Variants in EPHA6 observed in about 807,000 individuals in gnomAD.
EPHA6 encodes the protein EPH receptor A6.
In EPHA6, 50 loss-of-function variants were observed where a neutral mutation model predicts 112.0. The observed-to-expected ratio is 0.45, with a 90% CI of 0.36 to 0.56. EPHA6 has a LOEUF of 0.56. Among genes scored for constraint, EPHA6 ranks in the 20% least tolerant of loss-of-function variants. The probability of loss-of-function intolerance (pLI) is 0.00; values close to 1 mark genes in which losing one functional copy is unlikely to be tolerated. For missense variants in EPHA6, 1,280 were observed against 1,417.4 expected (o/e 0.90, Z 1.56); for synonymous variants, 529 against 490.7 (o/e 1.08, Z -1.03).
chr3:96,824,363 T>C (rs1447079338), intron 1 of EPHA6, among the ~76,000 whole-genome samples: 1 of 151,912 alleles, frequency 6.6e-6, no homozygotes, highest in Non-Finnish European at 1.5e-5. Flanking sequence ...ATTTCTCAAA[T>C]ATTTTGTCAT....
intron 3 of EPHA6, among the ~76,000 whole-genome samples, chr3:97,059,421 A>G (rs1403401141): frequency 6.6e-6 from 1 of 152,158 alleles, no homozygotes; most frequent in Non-Finnish European, 1.5e-5. Flanking sequence ...AGTGTAACAC[A>G]CATTGAAATT....
chr3:97,570,333 G>C (rs559568131), intron 11 of EPHA6, among the ~76,000 whole-genome samples: 17 of 152,316 alleles, frequency 1.1e-4, no homozygotes, highest in African/African-American at 3.6e-4. Context: ...AGTGGTGTCA[G>C]CAAGTCTAAG....
intron 5 of EPHA6, among the ~76,000 whole-genome samples, chr3:97,388,026 T>C (rs2086171792): frequency 6.6e-6 from 1 of 152,096 alleles, no homozygotes; most frequent in South Asian, 2.1e-4. Context: ...TCATGCACAA[T>C]CACGAGAACA....
At chr3:97,520,186 C>T (rs2092517436) in intron 10 of EPHA6, among the ~76,000 whole-genome samples, 1 of 152,060 alleles carries the variant, frequency 6.6e-6, no homozygotes, top group Non-Finnish European at 1.5e-5. Flanking sequence ...CCAGGATGGT[C>T]TCGATCTCCT....
intron 3 of EPHA6, among the ~76,000 whole-genome samples, chr3:97,063,922 A>G (rs1224117940): frequency 6.6e-6 from 1 of 152,168 alleles, no homozygotes; most frequent in Admixed American, 6.5e-5. Flanking sequence ...AGGGCAATAA[A>G]TTGATAACTG....
intron 10 of EPHA6, among the ~76,000 whole-genome samples, chr3:97,509,816 G>T (rs2092331225): frequency 6.6e-6 from 1 of 152,012 alleles, no homozygotes; most frequent in African/African-American, 2.4e-5. Context: ...ATCACTTTCA[G>T]GTACACAAAT....
intron 14 of EPHA6, among the ~76,000 whole-genome samples, chr3:97,646,491 T>C (rs1383743032): frequency 6.6e-6 from 1 of 152,204 alleles, no homozygotes; most frequent in Non-Finnish European, 1.5e-5. Flanking sequence ...AGGTCTGACA[T>C]ATTCATTCAC....
chr3:97,747,237 A>G (rs974343698), intron 16 of EPHA6, among the ~76,000 whole-genome samples, 186 bp from the exon 17 acceptor site: 1 of 152,074 alleles, frequency 6.6e-6, no homozygotes. Flanking sequence ...CAGATAAGTC[A>G]CTGATTTGAT....
chr3:96,881,674 C>T (rs2037322868), intron 2 of EPHA6, among the ~76,000 whole-genome samples: 1 of 152,220 alleles, frequency 6.6e-6, no homozygotes, highest in African/African-American at 2.4e-5. Flanking sequence ...AGTCTTAACT[C>T]ATTTCAGCAT....
chr3:97,497,505 C>T (rs983277568), intron 10 of EPHA6, among the ~76,000 whole-genome samples: 1 of 152,042 alleles, frequency 6.6e-6, no homozygotes, highest in Non-Finnish European at 1.5e-5. Flanking sequence ...GCCTTTATTC[C>T]ACAGTAATTA....
chr3:97,564,273 T>C (rs2093231087), intron 11 of EPHA6, among the ~76,000 whole-genome samples: 1 of 152,118 alleles, frequency 6.6e-6, no homozygotes, highest in Non-Finnish European at 1.5e-5. Context: ...CAAAAAAAGT[T>C]TACCTTTAAG....
intron 11 of EPHA6, among the ~76,000 whole-genome samples, chr3:97,588,209 C>A (rs1466665428): frequency 1.3e-5 from 2 of 150,204 alleles, no homozygotes; most frequent in East Asian, 1.9e-4. Context: ...GTTGGTATAC[C>A]CCCCTGCCCA....
At chr3:97,207,579 G>A (rs2077747847) in intron 3 of EPHA6, among the ~76,000 whole-genome samples, 1 of 152,258 alleles carries the variant, frequency 6.6e-6, no homozygotes, top group African/African-American at 2.4e-5. Context: ...ATATGCATAT[G>A]TATAAAATTG....
At chr3:97,084,841 C>G (rs536738893) in intron 3 of EPHA6, among the ~76,000 whole-genome samples, 6 of 151,978 alleles carry the variant, frequency 3.9e-5, no homozygotes, top group Non-Finnish European at 8.8e-5. Flanking sequence ...GCTACAATAA[C>G]CGAAACAGCA....
intron 3 of EPHA6, among the ~76,000 whole-genome samples, chr3:97,111,368 G>A (rs1355233082): frequency 1.3e-5 from 2 of 152,010 alleles, no homozygotes; most frequent in African/African-American, 4.8e-5. Context: ...ACATGTACCT[G>A]GTTAAGTACT....
chr3:97,600,424 A>G (rs962272070), intron 12 of EPHA6, among the ~76,000 whole-genome samples: 1 of 151,160 alleles, frequency 6.6e-6, no homozygotes, highest in Admixed American at 6.6e-5. Flanking sequence ...AGCTCTTATT[A>G]TTTTGAAATA....
intron 5 of EPHA6, among the ~76,000 whole-genome samples, chr3:97,333,995 G>C (rs1267211213): frequency 1.3e-5 from 2 of 152,046 alleles, no homozygotes; most frequent in African/African-American, 4.8e-5. Context: ...CTAACTTGCT[G>C]AGTGCTTTTA....
intron 10 of EPHA6, among the ~76,000 whole-genome samples, chr3:97,530,963 C>T (rs1030220579): frequency 1.3e-5 from 2 of 151,962 alleles, no homozygotes; most frequent in Admixed American, 6.6e-5. Context: ...AAATCTAATT[C>T]GATATTCTAT....
chr3:97,165,046 T>C (rs576077550), intron 3 of EPHA6, among the ~76,000 whole-genome samples: 14 of 152,298 alleles, frequency 9.2e-5, no homozygotes, highest in African/African-American at 3.4e-4. Flanking sequence ...CATCAGGGCC[T>C]CATGCTACCA....
Sources: gnomAD v4.1 joint callset for allele counts (sites outside exome capture counted in the v4.1 genomes callset) on GRCh38, gnomAD v4.1.1 for gene constraint, MANE v1.5 for transcripts, NCBI Gene and HGNC (gene_info 2026-07-23, HGNC 2026-07-21) for gene names.